The following PDCD1LG2 variants were observed in gnomAD, a reference collection of about 807,000 sequenced individuals.
PDCD1LG2 encodes programmed cell death 1 ligand 2.
In PDCD1LG2, 32 loss-of-function variants were observed where a neutral mutation model predicts 28.2. That is an observed-to-expected ratio of 1.13 (90% CI 0.86 to 1.52). PDCD1LG2 has a LOEUF of 1.52. PDCD1LG2 is among the 40% of genes most tolerant of loss of function. PDCD1LG2 has a pLI of 0.00. For missense variants in PDCD1LG2, 385 were observed against 323.8 expected (o/e 1.19, Z -1.45); for synonymous variants, 116 against 120.2 (o/e 0.97, Z 0.23).
intron 2 of PDCD1LG2, among the ~76,000 whole-genome samples, chr9:5,532,315 C>T (rs1820498951): frequency 6.6e-6 from 1 of 152,148 alleles, no homozygotes; most frequent in South Asian, 2.1e-4. Context: ...ATGGTTAAAA[C>T]AGGGATAGAG....
rs1432477955 is a variant in PDCD1LG2, at chr9:5,569,905, T to G, written c.817-49T>G. The G allele has an allele frequency of 6.3e-7, 1 of 1,598,348 alleles. No homozygotes were observed. On this transcript the variant is annotated intron_variant, in intron 6 of 6. Transcript: ENST00000397747. This position sits in a 1 kb window ranked among gnomAD's most constrained non-coding sequence, Gnocchi z 4.1. ...TCAAATTTTGGGGAGGTTATATATTTTCTAATCATAAAAAATGATTTTTCT... is the reference window on the plus strand; with the variant it reads ...TCAAATTTTGGGGAGGTTATATATTGTCTAATCATAAAAAATGATTTTTCT...
intron 1 of PDCD1LG2, among the ~76,000 whole-genome samples, chr9:5,515,167 A>G (rs966628676): frequency 1.3e-5 from 2 of 152,256 alleles, no homozygotes; most frequent in Non-Finnish European, 2.9e-5. Flanking sequence ...CCCAGATATT[A>G]GAGAACGTGT....
intron 5 of PDCD1LG2, 53 bp from the exon 6 acceptor site, chr9:5,563,109 C>CCAAA (rs1225678669): frequency 7.3e-7 from 1 of 1,378,286 alleles, no homozygotes; most frequent in African/African-American, 1.4e-5. Flanking sequence ...AATCTATAAG[C>CCAAA]CAAACAGTTT....
At chr9:5,559,097 T>A (rs142366638) in intron 5 of PDCD1LG2, among the ~76,000 whole-genome samples, 1 of 152,296 alleles carries the variant, frequency 6.6e-6, no homozygotes, top group Non-Finnish European at 1.5e-5. Context: ...AGTGTTCCGT[T>A]CCAGCTGTCT....
At position 5,549,495 on chromosome 9, in the gene PDCD1LG2, C is replaced by T. The variant is rs1298311904; in HGVS notation, c.522C>T (p.Tyr174=). Residue 174 remains tyrosine, a synonymous_variant, in exon 4 of 7, where the codon TAC becomes TAT. Coordinates refer to ENST00000397747, the MANE Select transcript of PDCD1LG2 (RefSeq NM_025239.4). ...ACTCCAGGACCCCTGAAGGCCTCTA[C>T]CAGGTCACCAGTGTTCTGCGCCTAA... The part of the protein sequence containing the change: ...TSHSRTPEGL[Y]QVTSVLRLKP... 4 of 1,614,204 alleles carry T rather than the reference C, an allele frequency of 2.5e-6. No homozygotes were observed. Among genetic ancestry groups the T allele is most frequent in the East Asian group, 2.2e-5 (1 of 44,892 alleles).
At chr9:5,562,346 A>G (rs1816581460) in intron 5 of PDCD1LG2, among the ~76,000 whole-genome samples, 1 of 152,232 alleles carries the variant, frequency 6.6e-6, no homozygotes, top group African/African-American at 2.4e-5. Context: ...AACAACTTGG[A>G]TGGAACTGGA....
chr9:5,552,475 G>A (rs1816354300), intron 4 of PDCD1LG2, among the ~76,000 whole-genome samples: 1 of 152,138 alleles, frequency 6.6e-6, no homozygotes, highest in Non-Finnish European at 1.5e-5. Context: ...AATGGTGAGA[G>A]GGGCCAACCT....
chr9:5,512,830 A>G (rs752861095), intron 1 of PDCD1LG2, among the ~76,000 whole-genome samples: 2 of 152,032 alleles, frequency 1.3e-5, no homozygotes, highest in Non-Finnish European at 2.9e-5. Context: ...CATGGCTCCA[A>G]TATTGTCTTG....
chr9:5,567,482 T>C (rs1280922297), intron 6 of PDCD1LG2, among the ~76,000 whole-genome samples: 3 of 152,236 alleles, frequency 2.0e-5, no homozygotes, highest in East Asian at 1.9e-4. Context: ...AGTAAAACTT[T>C]AGGAGTGGAT....
intron 5 of PDCD1LG2, among the ~76,000 whole-genome samples, chr9:5,561,013 A>C (rs1816548806): frequency 6.6e-6 from 1 of 152,088 alleles, no homozygotes; most frequent in Non-Finnish European, 1.5e-5. Flanking sequence ...AGAATACAGT[A>C]ACTGTGTTTC....
intron 4 of PDCD1LG2, 74 bp downstream of exon 4, chr9:5,549,678 T>A (rs1816288240): frequency 1.1e-5 from 17 of 1,548,636 alleles, no homozygotes; most frequent in Non-Finnish European, 1.4e-5. Context: ...CTCGAGTGAT[T>A]TGAGGAGAGT....
chr9:5,557,477 G>A, intron 4 of PDCD1LG2, 141 bp from the exon 5 acceptor site: 1 of 957,244 alleles, frequency 1.0e-6, no homozygotes, highest in Admixed American at 2.1e-5. Context: ...GATAGGTGCA[G>A]AGCACTTAGA....
intron 1 of PDCD1LG2, among the ~76,000 whole-genome samples, chr9:5,516,007 G>C (rs73386661): frequency 0.023 from 3,508 of 150,990 alleles, 100 homozygotes; most frequent in African/African-American, 0.071. Context: ...CTAGCTGGTA[G>C]TCCCAATGTC....
chr9:5,545,644 G>A (rs930506109), intron 3 of PDCD1LG2, among the ~76,000 whole-genome samples: 10 of 152,138 alleles, frequency 6.6e-5, no homozygotes, highest in African/African-American at 1.9e-4. Context: ...ACAACAATTG[G>A]CAGACTTAGG....
intron 2 of PDCD1LG2, 113 bp from the exon 3 acceptor site, chr9:5,534,632 A>G (rs996676002): frequency 2.2e-6 from 2 of 897,020 alleles, no homozygotes; most frequent in Non-Finnish European, 3.3e-6. Flanking sequence ...ATGTCCAGAT[A>G]AGACAGGTGC....
At chr9:5,530,752 T>C (rs1324741475) in intron 2 of PDCD1LG2, among the ~76,000 whole-genome samples, 2 of 152,240 alleles carry the variant, frequency 1.3e-5, no homozygotes, top group Non-Finnish European at 2.9e-5. Context: ...AGTGTCTGAC[T>C]TACTGTGTTT....
intron 2 of PDCD1LG2, among the ~76,000 whole-genome samples, chr9:5,534,411 G>T (rs1820539451): frequency 6.6e-6 from 1 of 152,178 alleles, no homozygotes; most frequent in South Asian, 2.1e-4. Flanking sequence ...GCAGGGCTTG[G>T]GGGGTCAGGG....
At chr9:5,548,014 AT>A (rs1377279692) in intron 3 of PDCD1LG2, among the ~76,000 whole-genome samples, 1 of 148,868 alleles carries the variant, frequency 6.7e-6, no homozygotes, top group African/African-American at 2.5e-5. Context: ...TGTGGTCTTT[AT>A]TTTTTTCTCT....
intron 5 of PDCD1LG2, among the ~76,000 whole-genome samples, chr9:5,560,151 G>A (rs1266842665): frequency 1.3e-5 from 2 of 152,168 alleles, no homozygotes; most frequent in African/African-American, 4.8e-5. Flanking sequence ...ACAATCACAT[G>A]TCTAGGATCT....
Sources: gnomAD v4.1 joint callset for allele counts (sites outside exome capture counted in the v4.1 genomes callset) on GRCh38, gnomAD v4.1.1 for gene constraint, Gnocchi (gnomAD v3.1) non-coding constraint, MANE v1.5 for transcripts, NCBI Gene and HGNC (gene_info 2026-07-23, HGNC 2026-07-21) for gene names.